EXOC6: variants seen among roughly 807,000 people sequenced by gnomAD.
The protein encoded by EXOC6 is exocyst complex component 6, also known as SEC15-like 1.
EXOC6 carries 60 observed loss-of-function variants against 112.5 expected under a neutral mutation model. The observed-to-expected ratio is 0.53, with a 90% confidence interval of 0.43 to 0.66. The LOEUF is 0.66. Ranked by LOEUF, EXOC6 falls within the 30% of genes least tolerant of loss-of-function variation. The pLI, the probability that EXOC6 is intolerant of heterozygous loss-of-function variation, is 0.00. For synonymous variants in EXOC6, 295 were observed against 308.0 expected, an observed-to-expected ratio of 0.96 and a Z score of 0.44; for missense variants, 855 against 957.1, an observed-to-expected ratio of 0.89 and a Z score of 1.41.
At chr10:92,859,299 G>A (rs972942817) in intron 1 of EXOC6, among the ~76,000 whole-genome samples, 1 of 152,150 alleles carries the variant, frequency 6.6e-6, no homozygotes, top group African/African-American at 2.4e-5. Flanking sequence ...GGAAGTCTCT[G>A]ATGTTGCTCC....
intron 20 of EXOC6, among the ~76,000 whole-genome samples, chr10:93,037,659 C>CA (rs1227595602): frequency 6.6e-6 from 1 of 151,918 alleles, no homozygotes; most frequent in Admixed American, 6.5e-5. Flanking sequence ...AGGCTGGTCT[C>CA]AAACTCCTGA....
upstream of EXOC6, among the ~76,000 whole-genome samples, chr10:92,832,209 G>C (rs141221631): frequency 8.0e-4 from 122 of 152,298 alleles, no homozygotes; most frequent in African/African-American, 2.9e-3. Flanking sequence ...AACTCAGCTA[G>C]TAGCTTTCAC....
intron 18 of EXOC6, among the ~76,000 whole-genome samples, chr10:92,975,824 C>A (rs1300883802): frequency 7.1e-6 from 1 of 140,974 alleles, no homozygotes; most frequent in African/African-American, 2.7e-5. Context: ...GCCAGCCGCC[C>A]CGTCCGGGAG....
At chr10:92,894,687 T>C in intron 2 of EXOC6, 107 bp from the exon 3 acceptor site, 1 of 841,632 alleles carries the variant, frequency 1.2e-6, no homozygotes, top group Admixed American at 2.8e-5. Context: ...TTTGCATTTC[T>C]TTGTTCTAAG....
intron 14 of EXOC6, among the ~76,000 whole-genome samples, chr10:92,950,479 A>G (rs977681630): frequency 6.6e-6 from 1 of 152,198 alleles, no homozygotes; most frequent in Non-Finnish European, 1.5e-5. Flanking sequence ...TATATACCAG[A>G]AACAGTGCTA....
intron 13 of EXOC6, among the ~76,000 whole-genome samples, chr10:92,946,373 G>A (rs571202260): frequency 2.7e-4 from 41 of 151,936 alleles, no homozygotes; most frequent in African/African-American, 9.4e-4. Flanking sequence ...CAGCCTGGGC[G>A]ACAGAGTGAG....
chr10:92,930,124 G>A (rs181051562), intron 9 of EXOC6, among the ~76,000 whole-genome samples: 12 of 152,264 alleles, frequency 7.9e-5, no homozygotes, highest in East Asian at 3.9e-4. Flanking sequence ...ACTCCACCCC[G>A]GATGGAAGAA....
At chr10:93,055,881 C>T (rs1400278771) in intron 20 of EXOC6, among the ~76,000 whole-genome samples, 1 of 152,160 alleles carries the variant, frequency 6.6e-6, no homozygotes, top group East Asian at 1.9e-4. Context: ...AAGCTAGTTT[C>T]TGGTGACCTT....
rs1287914363 is a variant in EXOC6 at position 92,948,387 on chromosome 10, C to T, written c.1416+8C>T. The T allele has an allele frequency of 2.7e-6, 4 of 1,456,328 alleles. No individual in the cohort carries two copies. The highest frequency in any genetic ancestry group is 3.7e-6 in the Non-Finnish European group (4 of 1,067,610). 90.2% of individuals were successfully genotyped at this position (1,456,328 alleles called of 1,614,324 possible). A position where few individuals can be genotyped will look rare whatever the true frequency, so the allele number is the denominator to read the frequency against. Reference sequence around the variant, plus strand: ...GATCCAGACCTTGAAAAGGTACAAGCTAGTTTTTAATTCAAGGATTTTCTT... The same window carrying T: ...GATCCAGACCTTGAAAAGGTACAAGTTAGTTTTTAATTCAAGGATTTTCTT... On this transcript the variant is annotated splice_region_variant and intron_variant, in intron 14 of 21. Transcript: ENST00000260762.
intron 1 of EXOC6, among the ~76,000 whole-genome samples, chr10:92,859,822 T>C (rs1462277591): frequency 1.0e-4 from 1 of 9,946 alleles, no homozygotes; most frequent in Non-Finnish European, 1.7e-4. Context: ...TTTGTGTGCA[T>C]GTGTGTGTGT....
intron 12 of EXOC6, among the ~76,000 whole-genome samples, chr10:92,936,311 T>A (rs942086951): frequency 2.6e-5 from 4 of 152,256 alleles, no homozygotes; most frequent in African/African-American, 9.6e-5. Context: ...CTTTAAGCTT[T>A]AGATCCTTAT....
At chr10:92,866,645 T>C (rs1026174900) in intron 1 of EXOC6, among the ~76,000 whole-genome samples, 2 of 152,056 alleles carry the variant, frequency 1.3e-5, no homozygotes. Flanking sequence ...TTAAATATTA[T>C]GTAGGGTAAT....
chr10:92,968,728 G>A (rs191113015), intron 17 of EXOC6, among the ~76,000 whole-genome samples: 43 of 152,208 alleles, frequency 2.8e-4, no homozygotes, highest in African/African-American at 1.0e-3. Context: ...TTACTGTTAG[G>A]TACTTTGTTT....
intron 6 of EXOC6, among the ~76,000 whole-genome samples, chr10:92,910,957 G>A (rs1331147639): frequency 1.3e-5 from 2 of 152,192 alleles, no homozygotes; most frequent in African/African-American, 2.4e-5. Context: ...GGGTATATAT[G>A]GAGTGAGTGG....
In EXOC6 at chr10:92,948,318, A is replaced by G. The variant is rs769466414; in HGVS notation, c.1355A>G (p.Asn452Ser). The change falls in exon 14 of 22, where the codon AAT becomes AGT. Residue 452 changes from asparagine to serine, a missense_variant. Physicochemically the swap from Asn to Ser is conservative, Grantham distance 46. This residue lies in a region of EXOC6 where 450 missense variants were observed against 563.5 expected (regional missense o/e 0.80). Coordinates refer to ENST00000260762, the MANE Select transcript of EXOC6 (RefSeq NM_019053.6). ...EDNYSPIPVV[N>S]EEEYKIVISK... ...AATTACAGCCCCATCCCTGTTGTCA[A>G]TGAAGAAGAATATAAAATTGTCATC... 2.5e-6 allele frequency: 4 copies of G among 1,610,852 alleles called. No homozygotes were observed. In the South Asian group the frequency reaches 3.3e-5, roughly 13 times the overall value.
At position 92,928,550 on chromosome 10, in the gene EXOC6, A is replaced by G. The variant is rs537165188; in HGVS notation, c.972+128A>G. On this transcript the variant is annotated intron_variant, in intron 9 of 21. Transcript: ENST00000260762. The stretch of plus-strand genomic sequence containing the variant: ...ATTTATTGAACACCTACCATTTCCA[A>G]ACATTGGTTTAGGTGCTAAGGGTAC... 5.0e-5 allele frequency: 29 copies of G among 583,990 alleles called. No individual in the cohort carries two copies. The Admixed American group carries it at 9.4e-4, about 19-fold the overall frequency. The allele number at this position is 583,990 out of a possible 1,614,324, so 36.2% of individuals were successfully genotyped here.
At chr10:92,934,921 T>G (rs891750812) in intron 11 of EXOC6, among the ~76,000 whole-genome samples, 3 of 152,106 alleles carry the variant, frequency 2.0e-5, no homozygotes, top group African/African-American at 7.2e-5. Flanking sequence ...GAAAATTAAA[T>G]GATCAGCTAT....
chr10:92,859,753 G>T (rs1376679139), intron 1 of EXOC6, among the ~76,000 whole-genome samples: 1 of 151,932 alleles, frequency 6.6e-6, no homozygotes, highest in South Asian at 2.1e-4. Flanking sequence ...ACCTTAACCT[G>T]CAACAATCTT....
intron 17 of EXOC6, among the ~76,000 whole-genome samples, chr10:92,967,789 A>G (rs1314454841): frequency 6.6e-6 from 1 of 152,182 alleles, no homozygotes; most frequent in African/African-American, 2.4e-5. Flanking sequence ...GAAGGGAAGC[A>G]GGTTGAGTAT....
Sources: allele counts gnomAD v4.1 joint callset (sites outside exome capture counted in the v4.1 genomes callset), GRCh38; gene constraint gnomAD v4.1.1; regional missense constraint gnomAD v4.1.1; transcripts MANE v1.5; gene names NCBI Gene and HGNC (gene_info 2026-07-23, HGNC 2026-07-21).